Variants in AKAP10 observed in about 807,000 individuals in gnomAD.
AKAP10 encodes A-kinase anchor protein 10, mitochondrial.
A neutral mutation model predicts 80.8 loss-of-function variants in AKAP10; 24 were observed. That is an observed-to-expected ratio of 0.30 (90% CI 0.22 to 0.42). The LOEUF (loss-of-function observed/expected upper bound fraction) is 0.42. Among genes scored for constraint, AKAP10 ranks in the 10% least tolerant of loss-of-function variants. The pLI is 1.00. For missense variants in AKAP10, 661 were observed against 794.9 expected, an observed-to-expected ratio of 0.83 and a Z score of 2.03; for synonymous variants, 291 against 277.7, an observed-to-expected ratio of 1.05 and a Z score of -0.48.
At chr17:19,954,639 C>T (rs1398312212) in intron 4 of AKAP10, among the ~76,000 whole-genome samples, 2 of 149,140 alleles carry the variant, frequency 1.3e-5, no homozygotes, top group East Asian at 3.9e-4. Flanking sequence ...TGCCCGCCAC[C>T]ACGCCCGGCT....
chr17:19,947,402 C>T lies in AKAP10; in HGVS notation c.976+5G>A. ...TTTTTTGCCATAGTTTCAAGCACTG[C>T]TTACCTATGATGTCATTTCTCATTG... On this transcript the variant is annotated splice_donor_5th_base_variant and intron_variant, in intron 5 of 14. Coordinates refer to ENST00000225737, the MANE Select transcript of AKAP10 (RefSeq NM_007202.4). The T allele has an allele frequency of 6.3e-7, 1 of 1,595,104 alleles. No homozygotes were observed.
Position 19,941,885 on chromosome 17 carries a change from C to T in AKAP10, c.1002G>A (p.Gln334=), listed in dbSNP as rs768265612. Residue 334 remains glutamine (Q), a synonymous_variant, in exon 6 of 15, where the codon CAG becomes CAA. Transcript: ENST00000225737. ...CCAAAACGAAACAGTTGGGATCCAC[C>T]TGTCCATCTTCTCCACAAATCCTTG... The part of the protein sequence containing the change: ...IIARICGEDG[Q]VDPNCFVLAQ... The T allele has an allele frequency of 6.2e-7, 1 of 1,610,854 alleles. No individual in the cohort carries two copies. The highest frequency in any genetic ancestry group is 1.7e-5 in the Admixed American group (1 of 59,442).
At chr17:19,924,219 G>A (rs2042849795) in intron 11 of AKAP10, among the ~76,000 whole-genome samples, 189 bp downstream of exon 11, 2 of 152,140 alleles carry the variant, frequency 1.3e-5, no homozygotes, top group African/African-American at 2.4e-5. Context: ...AAATGGCAGA[G>A]CCAAGATTAA....
intron 5 of AKAP10, among the ~76,000 whole-genome samples, chr17:19,946,225 TATATATATATATTATA>T (rs2043110398): frequency 9.1e-5 from 2 of 22,032 alleles, no homozygotes; most frequent in African/African-American, 1.8e-4. Flanking sequence ...ATATATTTTA[TATATATATATATTATA>T]TATATATATA....
intron 11 of AKAP10, 69 bp from the exon 12 acceptor site, chr17:19,920,187 T>C (rs1246493839): frequency 7.6e-6 from 9 of 1,187,166 alleles, no homozygotes; most frequent in Non-Finnish European, 1.1e-5. Context: ...AAACAATCAA[T>C]TTAAAGCGTT....
At chr17:19,931,411 GAC>G (rs1488109895) in intron 10 of AKAP10, among the ~76,000 whole-genome samples, 17 of 142,862 alleles carry the variant, frequency 1.2e-4, no homozygotes, top group African/African-American at 4.2e-4. Context: ...TTTTTTTTGA[GAC>G]ACAGTCTCAC....
chr17:19,926,399 G>A (rs989054222), intron 10 of AKAP10, among the ~76,000 whole-genome samples: 4 of 151,884 alleles, frequency 2.6e-5, no homozygotes, highest in African/African-American at 9.7e-5. Context: ...AGCTTTCCCT[G>A]TCAGATAGGA....
At chr17:19,937,035 G>T (rs1243321993) in intron 8 of AKAP10, among the ~76,000 whole-genome samples, 1 of 151,986 alleles carries the variant, frequency 6.6e-6, no homozygotes, top group Non-Finnish European at 1.5e-5. Context: ...CTACCTTGAT[G>T]GGGTATAATG....
rs79386308 is a variant in AKAP10 at position 19,908,283 on chromosome 17, T to C, written c.1983+898A>G. ...TTAGGTAATTTGACCCTTTAAAAAT[T>C]TGCTTTGAAACTTGGTTCAGGTGCT... is the stretch of plus-strand genomic sequence containing the variant. On this transcript the variant is annotated intron_variant, in intron 14 of 14. Coordinates refer to ENST00000225737, the MANE Select transcript of AKAP10 (RefSeq NM_007202.4). Among the ~76,000 whole-genome samples, 407 of 152,316 alleles carry C rather than the reference T, an allele frequency of 2.7e-3. 15 individuals carry two copies. The East Asian group carries it at 0.074, about 28-fold the overall frequency.
At chr17:19,912,143 G>A (rs1267738531) in intron 12 of AKAP10, among the ~76,000 whole-genome samples, 2 of 152,220 alleles carry the variant, frequency 1.3e-5, no homozygotes, top group East Asian at 1.9e-4. Context: ...GGCTGGGCAC[G>A]GTGGCTCACG....
chr17:19,972,773 G>A (rs1308651608), intron 1 of AKAP10, among the ~76,000 whole-genome samples: 8 of 152,080 alleles, frequency 5.3e-5, no homozygotes, highest in Admixed American at 2.6e-4. Context: ...AAGTTTTAAC[G>A]TAGTCAAATT....
In AKAP10 at chr17:19,920,046, C is replaced by T. The variant is rs753871007; in HGVS notation, c.1824G>A (p.Arg608=). The T allele has an allele frequency of 6.2e-7, 1 of 1,612,298 alleles. No individual in the cohort carries two copies. Among genetic ancestry groups the T allele is most frequent in the South Asian group, 1.1e-5 (1 of 90,942 alleles). Residue 608 remains arginine, a synonymous_variant, in exon 12 of 15, where the codon AGG becomes AGA. Coordinates refer to ENST00000225737, the MANE Select transcript of AKAP10 (RefSeq NM_007202.4). ...AAAAACACCACAAACCTTTTGATTT[C>T]CTTACATCAGGTTCAGGCTCAGATT... ...IRESEPEPDV[R]KSKGSMFSQA...
rs1478964037 is a variant in AKAP10, at chr17:19,946,236, ATTATATATATATATAT to A, written c.976+1155_976+1170del. Among the ~76,000 whole-genome samples, 30 of 22,780 alleles carry A rather than the reference ATTATATATATATATAT, an allele frequency of 1.3e-3. 5 individuals are homozygous for A. Among genetic ancestry groups the A allele is most frequent in the African/African-American group, 3.3e-3 (22 of 6,768 alleles). 14.9% of individuals were successfully genotyped at this position (22,780 alleles called of 152,430 possible). A position where few individuals can be genotyped will look rare whatever the true frequency, so the allele number is the denominator to read the frequency against. On this transcript the variant is annotated intron_variant, in intron 5 of 14. Transcript: ENST00000225737. ...ATATATATATTTTATATATATATAT[ATTATATATATATATAT>A]ATATATATATATATATATATATATT...
rs1214272399 is a variant in AKAP10, at chr17:19,946,234, ATATTATATAT to A, written c.976+1163_976+1172del. Among the ~76,000 whole-genome samples the A allele has an allele frequency of 8.9e-3, 154 of 17,242 alleles. 9 individuals carry two copies. Among genetic ancestry groups the A allele is most frequent in the African/African-American group, 0.027 (149 of 5,610 alleles). The allele number at this position is 17,242 out of a possible 152,430, so 11.3% of individuals were successfully genotyped here. A position where few individuals can be genotyped will look rare whatever the true frequency, so the allele number is the denominator to read the frequency against. ...ATATATATATATTTTATATATATATATATTATATATATATATATATATATATATATATATA... is the reference window on the plus strand; with the variant it reads ...ATATATATATATTTTATATATATATAATATATATATATATATATATATATA... On this transcript the variant is annotated intron_variant, in intron 5 of 14. Transcript: ENST00000225737.
intron 10 of AKAP10, among the ~76,000 whole-genome samples, chr17:19,928,281 C>T (rs1009573634): frequency 6.6e-6 from 1 of 151,908 alleles, no homozygotes; most frequent in Non-Finnish European, 1.5e-5. Flanking sequence ...TTTGAATAAA[C>T]ATTTTTCCAA....
At chr17:19,916,753 C>T (rs190806328) in intron 12 of AKAP10, among the ~76,000 whole-genome samples, 11 of 146,088 alleles carry the variant, frequency 7.5e-5, no homozygotes, top group Non-Finnish European at 4.5e-5. Context: ...CTGGCTAATG[C>T]GGTGAAACCC....
At chr17:19,939,999 G>C (rs943118083) in intron 7 of AKAP10, 150 bp from the exon 8 acceptor site, 2 of 864,304 alleles carry the variant, frequency 2.3e-6, no homozygotes, top group Admixed American at 3.5e-5. Flanking sequence ...GCAAGTTACA[G>C]TCATTTGAGA....
chr17:19,966,299 C>T (rs1182972980), intron 2 of AKAP10, among the ~76,000 whole-genome samples: 2 of 151,772 alleles, frequency 1.3e-5, no homozygotes. Flanking sequence ...TTTTCAAGTC[C>T]GTTCACATCT....
At chr17:19,957,037 C>A (rs1473875925) in intron 4 of AKAP10, among the ~76,000 whole-genome samples, 1 of 151,904 alleles carries the variant, frequency 6.6e-6, no homozygotes, top group African/African-American at 2.4e-5. Context: ...ATCACTTAGC[C>A]CTTTAAGACA....
Sources: gnomAD v4.1 joint callset for allele counts (sites outside exome capture counted in the v4.1 genomes callset) on GRCh38, gnomAD v4.1.1 for gene constraint, MANE v1.5 for transcripts, NCBI Gene and HGNC (gene_info 2026-07-23, HGNC 2026-07-21) for gene names.